Variants in ZNF721 observed in about 807,000 individuals in gnomAD.
ZNF721 encodes the protein zinc finger protein 721.
ZNF721 carries 2 observed loss-of-function variants against 2.4 expected under a neutral mutation model. That is an observed-to-expected ratio of 0.82 (90% confidence interval 0.34 to 2.58). The LOEUF is 2.58. Ranked by LOEUF, ZNF721 falls within the 30% of genes most tolerant of loss-of-function variation. ZNF721 has a pLI of 0.11. For synonymous variants in ZNF721, 398 were observed against 381.8 expected (o/e 1.04, Z -0.50); for missense variants, 1,187 against 1,085.5 (o/e 1.09, Z -1.31).
Position 441,543 on chromosome 4 carries a change from T to C in ZNF721, c.*152A>G. The C allele has an allele frequency of 1.5e-6, 1 of 663,732 alleles. No homozygotes were observed. 41.1% of individuals were successfully genotyped at this position (663,732 alleles called of 1,614,324 possible). A position where few individuals can be genotyped will look rare whatever the true frequency, so the allele number is the denominator to read the frequency against. Reference sequence around the variant, plus strand: ...TTCTCACATTTTTCACATTTTAGAGTTTCTCTTCATTATGAATTATCTTAT... The same window carrying C: ...TTCTCACATTTTTCACATTTTAGAGCTTCTCTTCATTATGAATTATCTTAT... On this transcript the variant is annotated 3_prime_UTR_variant, in exon 3 of 3. Transcript: ENST00000511833.
At chr4:470,781 G>T (rs1432746098) in intron 2 of ZNF721, among the ~76,000 whole-genome samples, 1 of 151,964 alleles carries the variant, frequency 6.6e-6, no homozygotes, top group Non-Finnish European at 1.5e-5. Flanking sequence ...CCAGCAATTT[G>T]GGAGGCCAAG....
At chr4:490,778 A>G (rs1716000483) in intron 1 of ZNF721, among the ~76,000 whole-genome samples, 1 of 152,126 alleles carries the variant, frequency 6.6e-6, no homozygotes, top group South Asian at 2.1e-4. Flanking sequence ...AACCTTACAC[A>G]GCAGAAGGTT....
At chr4:444,605 G>A (rs558089396) in intron 2 of ZNF721, among the ~76,000 whole-genome samples, 173 bp from the exon 3 acceptor site, 1 of 152,322 alleles carries the variant, frequency 6.6e-6, no homozygotes, top group East Asian at 1.9e-4. Flanking sequence ...ATGCCTTTGT[G>A]TGAAATCTAT....
chr4:444,363 A>T lies in ZNF721; in HGVS notation c.104T>A (p.Ile35Lys), dbSNP rs782209725. ...QGIEDSFHKL[I>K]LRRYEKCGHD... ...CCCACATTTCTCATATCTTCTCAGTATAAGTTTGTGGAATGAATCTTCTAT... is the reference window on the plus strand; with the variant it reads ...CCCACATTTCTCATATCTTCTCAGTTTAAGTTTGTGGAATGAATCTTCTAT... Residue 35 changes from isoleucine (I) to lysine (K), a missense_variant, in exon 3 of 3, where the codon ATA becomes AAA. Coordinates refer to ENST00000511833, the MANE Select transcript of ZNF721 (RefSeq NM_133474.4). 6.2e-7 allele frequency: 1 copy of T among 1,613,318 alleles called. No individual in the cohort carries two copies. The highest frequency in any genetic ancestry group is 8.5e-7 in the Non-Finnish European group (1 of 1,179,686).
At chr4:450,260 T>C (rs1002772010) in intron 2 of ZNF721, among the ~76,000 whole-genome samples, 2 of 149,764 alleles carry the variant, frequency 1.3e-5, no homozygotes, top group South Asian at 2.1e-4. Context: ...GGCCAAGATA[T>C]GGAATCAATC....
chr4:490,602 A>C (rs1715996809), intron 1 of ZNF721, among the ~76,000 whole-genome samples: 1 of 152,340 alleles, frequency 6.6e-6, no homozygotes, highest in South Asian at 2.1e-4. Context: ...TATTTTTTAG[A>C]GGTTTGCTTT....
intron 2 of ZNF721, among the ~76,000 whole-genome samples, chr4:460,572 GAA>G (rs1457711898): frequency 7.5e-6 from 1 of 134,176 alleles, no homozygotes; most frequent in Non-Finnish European, 1.6e-5. Flanking sequence ...CAGAAGACAA[GAA>G]ATAACTAAGA....
At chr4:465,984 T>C (rs187034604) in intron 2 of ZNF721, among the ~76,000 whole-genome samples, 1 of 151,670 alleles carries the variant, frequency 6.6e-6, no homozygotes, top group East Asian at 1.9e-4. Flanking sequence ...TCTTTTTTGT[T>C]GTCGTTTTTC....
chr4:448,759 A>C (rs917910761), intron 2 of ZNF721, among the ~76,000 whole-genome samples: 3 of 152,216 alleles, frequency 2.0e-5, no homozygotes, highest in South Asian at 2.1e-4. Flanking sequence ...GATTAATAAA[A>C]TCTGCCAAAA....
At chr4:489,146 AC>A (rs55648027) in intron 1 of ZNF721, among the ~76,000 whole-genome samples, 1,568 of 152,072 alleles carry the variant, frequency 0.01, 10 homozygotes, top group Non-Finnish European at 0.016. Context: ...CACCCTTTCC[AC>A]CCGCCGTGGG....
intron 2 of ZNF721, among the ~76,000 whole-genome samples, chr4:469,846 G>C (rs2108710009): frequency 6.6e-6 from 1 of 152,252 alleles, no homozygotes; most frequent in East Asian, 1.9e-4. Context: ...TCAATACATG[G>C]TGCTAGAAAA....
intron 2 of ZNF721, among the ~76,000 whole-genome samples, chr4:458,119 C>T (rs879954914): frequency 6.6e-6 from 1 of 152,228 alleles, no homozygotes; most frequent in Non-Finnish European, 1.5e-5. Context: ...AGCGACACAG[C>T]GGGAGCCACA....
At chr4:465,533 G>A (rs1715218976) in intron 2 of ZNF721, among the ~76,000 whole-genome samples, 1 of 151,180 alleles carries the variant, frequency 6.6e-6, no homozygotes, top group Admixed American at 6.6e-5. Flanking sequence ...CTGGGTTCAC[G>A]CCATTCTCCT....
chr4:476,599 G>A lies in ZNF721; in HGVS notation c.-93-3898C>T, dbSNP rs890755773. 8.9e-4 allele frequency among the ~76,000 whole-genome samples: 135 copies of A among 152,150 alleles called. 1 individual carries two copies. The highest frequency in any genetic ancestry group is 1.7e-3 in the Non-Finnish European group (117 of 68,038). On this transcript the variant is annotated intron_variant, in intron 1 of 2. Transcript: ENST00000511833. ...CTTATTTACCCACACCAGATCGACT[G>A]AGCAGTTGATCTAATTTCTTTCCGC...
At chr4:490,142 G>C (rs1321707808) in intron 1 of ZNF721, among the ~76,000 whole-genome samples, 2 of 149,864 alleles carry the variant, frequency 1.3e-5, no homozygotes, top group African/African-American at 4.9e-5. Context: ...ACAAGAGTGA[G>C]ACACCGTGCC....
In ZNF721 at chr4:461,600, T is replaced by C. The variant is rs189735796; in HGVS notation, c.34+10975A>G. ...CAAAATAGTATTGGAAAGCCGGGTG[T>C]GGTGGCTCATGCCTGTAATCCCAGC... On this transcript the variant is annotated intron_variant, in intron 2 of 2. Coordinates refer to ENST00000511833, the MANE Select transcript of ZNF721 (RefSeq NM_133474.4). Among the ~76,000 whole-genome samples the C allele has an allele frequency of 3.6e-3, 555 of 152,228 alleles. 2 individuals carry two copies. The highest frequency in any genetic ancestry group is 0.013 in the African/African-American group (547 of 41,560).
chr4:444,167 C>G lies in ZNF721; in HGVS notation c.300G>C (p.Lys100Asn). The change falls in exon 3 of 3, where the codon AAG becomes AAC. Residue 100 changes from lysine to asparagine, a missense_variant. Physicochemically the swap from Lys to Asn is moderately conservative, Grantham distance 94. Transcript: ENST00000511833. ...AGTGTTTCTCTCCAGTATGTCTTGT[C>G]TTATCTTTGTTTGAATTTGCAAATT... ...FSKFANSNKD[K>N]TRHTGEKHFK... is the part of the protein sequence containing the mutation. 2 of 1,613,974 alleles carry G rather than the reference C, an allele frequency of 1.2e-6. No individual in the cohort carries two copies. The highest frequency in any genetic ancestry group is 2.2e-5 in the South Asian group (2 of 91,076).
intron 2 of ZNF721, among the ~76,000 whole-genome samples, chr4:458,859 C>T (rs535582768): frequency 2.3e-4 from 34 of 149,658 alleles, no homozygotes; most frequent in African/African-American, 8.0e-4. Context: ...AAAAAAAAAA[C>T]AGATCTAAAA....
intron 2 of ZNF721, among the ~76,000 whole-genome samples, chr4:466,679 G>GA (rs1424635255): frequency 1.3e-5 from 2 of 152,084 alleles, no homozygotes; most frequent in African/African-American, 4.8e-5. Flanking sequence ...AAAAAACAAA[G>GA]AAAGAAAGTG....
Sources: gnomAD v4.1 joint callset for allele counts (sites outside exome capture counted in the v4.1 genomes callset) on GRCh38, gnomAD v4.1.1 for gene constraint, MANE v1.5 for transcripts, NCBI Gene and HGNC (gene_info 2026-07-23, HGNC 2026-07-21) for gene names.